HELZ2: variants seen among roughly 807,000 people sequenced by gnomAD.
HELZ2 encodes 3'-5' exoribonuclease HELZ2.
A neutral mutation model predicts 208.8 loss-of-function variants in HELZ2; 143 were observed. The observed-to-expected ratio is 0.68, with a 90% CI of 0.60 to 0.79. HELZ2 has a LOEUF of 0.79. Among genes scored for constraint, HELZ2 ranks in the 30% least tolerant of loss-of-function variants. HELZ2 has a pLI of 0.00. For missense variants in HELZ2, 3,690 were observed against 3,794.5 expected, an observed-to-expected ratio of 0.97 and a Z score of 0.72; for synonymous variants, 1,705 against 1,693.7, an observed-to-expected ratio of 1.01 and a Z score of -0.16.
chr20:63,562,505 G>T lies in HELZ2; in HGVS notation c.6302+15C>A. The stretch of plus-strand genomic sequence containing the variant: ...CGGTCCCCCAGCCCAGCCTCTGCTG[G>T]TGGAAGCCACTCACAGATCAGGAAG... On this transcript the variant is annotated intron_variant, in intron 8 of 18. Transcript: ENST00000467148. The T allele has an allele frequency of 6.4e-7, 1 of 1,558,182 alleles. No individual in the cohort carries two copies.
At position 63,559,245 on chromosome 20, in the gene HELZ2, TTCAGG is replaced by T. The variant is rs1352661934; in HGVS notation, c.7946_7950del (p.Ser2649Ter). On this transcript the variant is annotated frameshift_variant and stop_lost, in exon 19 of 19. Coordinates refer to ENST00000467148, the Ensembl canonical transcript of HELZ2. LOFTEE classifies it high-confidence loss of function. ...GGCACCTTGCAGGTGGAGAGGGCTC[TTCAGG>T]AAGGCATAGTTGGCCTCCTGCAGAC... 1.9e-6 allele frequency: 3 copies of T among 1,552,910 alleles called. No homozygotes were observed. The highest frequency in any genetic ancestry group is 2.6e-6 in the Non-Finnish European group (3 of 1,145,170).
At chr20:63,564,226 A>G (rs1339929437) in exon 8 of HELZ2, 5 of 1,611,910 alleles carry the variant, frequency 3.1e-6, no homozygotes, top group Non-Finnish European at 4.2e-6. Flanking sequence ...CGAGCCTATT[A>G]AACTGAATCA....
rs61742181 is a variant in HELZ2 at position 63,561,903 on chromosome 20, G to C, written c.6611C>G (p.Pro2204Arg). The change falls in exon 11 of 19, where the codon CCC (proline) becomes CGC (arginine). Residue 2204 changes from proline (P) to arginine (R), a missense_variant. Physicochemically the swap from Pro to Arg is moderately radical, Grantham distance 103 (BLOSUM62 -2). Around this residue, in one of 3 missense-constraint regions of HELZ2, gnomAD observed 2,564 missense variants for 2,580.5 expected, o/e 0.99. Coordinates refer to ENST00000467148, the Ensembl canonical transcript of HELZ2. ...CCCCAGCCGCTTCTCCCCACGGGGGGGGCCTCCGGGCTGCACCTGCTCCTG... is the reference window on the plus strand; with the variant it reads ...CCCCAGCCGCTTCTCCCCACGGGGGCGGCCTCCGGGCTGCACCTGCTCCTG... 3.7e-5 allele frequency: 59 copies of C among 1,583,132 alleles called. No individual in the cohort carries two copies. The African/African-American group carries it at 6.0e-4, about 16-fold the overall frequency.
exon 8 of HELZ2, chr20:63,563,294 G>C: frequency 2.6e-6 from 4 of 1,549,698 alleles, no homozygotes; most frequent in Non-Finnish European, 3.5e-6. Flanking sequence ...GAGAGCAGCC[G>C]CCTCCGGCCA....
At chr20:63,561,270 T>C (rs750859749) in exon 14 of HELZ2, 1 of 1,612,568 alleles carries the variant, frequency 6.2e-7, no homozygotes, top group African/African-American at 1.3e-5. Context: ...AAGACCTTCT[T>C]GTACCTGCCG....
At chr20:63,564,429 T>A in exon 8 of HELZ2, 1 of 1,552,366 alleles carries the variant, frequency 6.4e-7, no homozygotes, top group Non-Finnish European at 8.7e-7. Flanking sequence ...TGCTGCCTGA[T>A]CACCTCCTCC....
exon 19 of HELZ2, chr20:63,559,206 T>G (rs2082849062): frequency 6.8e-7 from 1 of 1,480,954 alleles, no homozygotes; most frequent in African/African-American, 1.4e-5. Flanking sequence ...CCCTGGACTT[T>G]CCCTCCCAGT....
At chr20:63,566,266 C>T (rs45519633) in intron 7 of HELZ2, 35 bp from the exon 9 acceptor site, 133,980 of 1,490,752 alleles carry the variant, frequency 0.09, 10,676 homozygotes, top group African/African-American at 0.39. Context: ...AGGCTGGGTG[C>T]GCAAGACGGT....
intron 18 of HELZ2, among the ~76,000 whole-genome samples, chr20:63,559,697 G>GT (rs2082861651): frequency 4.2e-5 from 4 of 94,692 alleles, no homozygotes; most frequent in Admixed American, 8.9e-5. Flanking sequence ...TCAGGTGGGA[G>GT]GAGTCAGGGT....
intron 6 of HELZ2, among the ~76,000 whole-genome samples, 167 bp downstream of exon 7, chr20:63,566,677 C>T (rs1229760479): frequency 6.6e-6 from 1 of 152,136 alleles, no homozygotes; most frequent in Non-Finnish European, 1.5e-5. Flanking sequence ...CCCCACCAAG[C>T]TCCAGACACC....
exon 8 of HELZ2, chr20:63,566,164 T>C: frequency 6.5e-7 from 1 of 1,549,966 alleles, no homozygotes. Context: ...CAGGGGCCAG[T>C]GCCCCAGGGC....
At chr20:63,562,258 G>A in intron 9 of HELZ2, 30 bp downstream of exon 10, 1 of 1,599,560 alleles carries the variant, frequency 6.3e-7, no homozygotes, top group South Asian at 1.1e-5. Context: ...GGGGGCCAGA[G>A]GGGAAGCTGG....
At chr20:63,572,683 C>T (rs372547404), upstream of HELZ2, 34 of 388,482 alleles carry the variant, frequency 8.8e-5, no homozygotes, top group East Asian at 3.6e-4. Flanking sequence ...TGGCGTCGGC[C>T]GCCCGGCCTG....
At chr20:63,568,600 G>A (rs113774424) in exon 5 of HELZ2, 36 of 1,597,414 alleles carry the variant, frequency 2.3e-5, no homozygotes, top group East Asian at 6.8e-5. Context: ...TGGGCAAGTC[G>A]GGCACCACCA....
At chr20:63,569,808 C>T in intron 3 of HELZ2, 143 bp from the exon 5 acceptor site, 1 of 947,312 alleles carries the variant, frequency 1.1e-6, no homozygotes, top group Non-Finnish European at 1.5e-6. Flanking sequence ...GCCACCCGGC[C>T]TCTGCCATCC....
At chr20:63,559,341 G>A (rs1227665774) in exon 19 of HELZ2, 2 of 1,602,266 alleles carry the variant, frequency 1.2e-6, no homozygotes, top group South Asian at 1.1e-5. Flanking sequence ...CTACGCCAGA[G>A]GGGGCAGCAG....
intron 14 of HELZ2, 66 bp from the exon 16 acceptor site, chr20:63,560,995 A>G: frequency 6.3e-7 from 1 of 1,595,410 alleles, no homozygotes; most frequent in Admixed American, 1.7e-5. Flanking sequence ...CCCACACGAC[A>G]CCCGCGTCTG....
Position 63,561,875 on chromosome 20 carries a change from A to AC in HELZ2, c.6638dup (p.Pro2214SerfsTer34), listed in dbSNP as rs1336825230. Reference sequence around the variant, plus strand: ...AGGGGCCGCAGTACAAGATGCAGGGACCCCCCAGCCGCTTCTCCCCACGGG... The same window carrying AC: ...AGGGGCCGCAGTACAAGATGCAGGGACCCCCCCAGCCGCTTCTCCCCACGGG... On this transcript the variant is annotated frameshift_variant, in exon 11 of 19. Transcript: ENST00000467148. LOFTEE classifies it high-confidence loss of function. 14 of 1,568,060 alleles carry AC rather than the reference A, an allele frequency of 8.9e-6. No homozygotes were observed. Among genetic ancestry groups the AC allele is most frequent in the Admixed American group, 1.9e-5 (1 of 52,814 alleles).
exon 3 of HELZ2, chr20:63,570,534 C>T (rs1164561894): frequency 6.2e-7 from 1 of 1,613,412 alleles, no homozygotes; most frequent in Non-Finnish European, 8.5e-7. Context: ...TCCAGCTGTA[C>T]TGGGTCTTCC....
Sources: allele counts gnomAD v4.1 joint callset (sites outside exome capture counted in the v4.1 genomes callset), GRCh38; gene constraint gnomAD v4.1.1; regional missense constraint gnomAD v4.1.1; transcripts MANE v1.5; gene names NCBI Gene and HGNC (gene_info 2026-07-23, HGNC 2026-07-21).